The following KATNAL2 variants were observed in gnomAD, a reference collection of about 807,000 sequenced individuals.
KATNAL2 encodes katanin catalytic subunit A1 like 2.
KATNAL2 carries 52 observed loss-of-function variants against 76.3 expected under a neutral mutation model. The observed-to-expected ratio is 0.68, with a 90% CI of 0.55 to 0.86. KATNAL2 has a LOEUF of 0.86. Among genes scored for constraint, KATNAL2 ranks in the 40% least tolerant of loss-of-function variants. The pLI is 0.00. For missense variants in KATNAL2, 660 were observed against 668.9 expected, an observed-to-expected ratio of 0.99 and a Z score of 0.15; for synonymous variants, 243 against 244.2, an observed-to-expected ratio of 1.00 and a Z score of 0.05.
chr18:47,075,021 T>C (rs2062147248), intron 13 of KATNAL2, among the ~76,000 whole-genome samples: 1 of 152,222 alleles, frequency 6.6e-6, no homozygotes, highest in Non-Finnish European at 1.5e-5. Flanking sequence ...CTCTCATATT[T>C]ATGATTAGTA....
chr18:47,025,109 C>A, intron 3 of KATNAL2, among the ~76,000 whole-genome samples: 1 of 96,054 alleles, frequency 1.0e-5, no homozygotes, highest in Non-Finnish European at 2.1e-5. Context: ...CCCCCCCCAC[C>A]CCGCCCCCAA....
intron 3 of KATNAL2, among the ~76,000 whole-genome samples, chr18:46,961,952 T>C (rs7244778): frequency 0.52 from 79,371 of 152,030 alleles, 20,969 homozygotes; most frequent in Middle Eastern, 0.57. Flanking sequence ...CACACTTGAA[T>C]TTCAGGGAGT....
Position 46,939,624 on chromosome 18 carries a change from A to G in KATNAL2, c.-509-6433A>G, listed in dbSNP as rs554690393. On this transcript the variant is annotated intron_variant, in intron 1 of 17. Coordinates refer to ENST00000683218, the MANE Select transcript of KATNAL2 (RefSeq NM_001387690.1). ...ATATCTGAGATCTTGCATGCTAGCC[A>G]CAGTTGATTTGATTTGAAAGCAACA... is the stretch of plus-strand genomic sequence containing the variant. 3.3e-5 allele frequency among the ~76,000 whole-genome samples: 5 copies of G among 152,306 alleles called. No homozygotes were observed. In the East Asian group the frequency reaches 9.7e-4, roughly 29 times the overall value.
At chr18:47,080,159 T>A (rs1156500693) in intron 15 of KATNAL2, among the ~76,000 whole-genome samples, 1 of 152,192 alleles carries the variant, frequency 6.6e-6, no homozygotes, top group Non-Finnish European at 1.5e-5. Context: ...AAAGCAGGAT[T>A]TTTTTCTCTT....
At chr18:47,047,680 A>T (rs1434429450) in intron 4 of KATNAL2, among the ~76,000 whole-genome samples, 2 of 152,170 alleles carry the variant, frequency 1.3e-5, no homozygotes, top group Non-Finnish European at 1.5e-5. Context: ...AATTTCAGCC[A>T]GGAAGAAAAC....
chr18:47,087,968 T>A (rs1353333323), intron 15 of KATNAL2, among the ~76,000 whole-genome samples: 3 of 152,186 alleles, frequency 2.0e-5, no homozygotes, highest in Admixed American at 6.5e-5. Context: ...TTCTTGAGCG[T>A]TTTTAATCTG....
intron 3 of KATNAL2, chr18:47,033,532 A>T (rs2060593023): frequency 6.2e-7 from 1 of 1,614,064 alleles, no homozygotes; most frequent in Non-Finnish European, 8.5e-7. Context: ...TGTCTCTCTA[A>T]CGAGTGCGTG....
At chr18:47,058,805 G>A (rs2061543534) in intron 7 of KATNAL2, among the ~76,000 whole-genome samples, 2 of 152,128 alleles carry the variant, frequency 1.3e-5, no homozygotes, top group South Asian at 2.1e-4. Flanking sequence ...GGGTCTCAAG[G>A]TCTCCTGTTG....
At chr18:46,922,476 A>T (rs993261895) in intron 1 of KATNAL2, among the ~76,000 whole-genome samples, 4 of 151,956 alleles carry the variant, frequency 2.6e-5, no homozygotes, top group African/African-American at 9.7e-5. Flanking sequence ...AGCCTTTTAA[A>T]AAAAAAAACC....
chr18:47,032,663 GAAAA>G (rs60364237), intron 3 of KATNAL2: 2 of 330,948 alleles, frequency 6.0e-6, no homozygotes, highest in Non-Finnish European at 1.1e-5. Flanking sequence ...ACTTGATTTC[GAAAA>G]AAAAAAGAAA....
intron 1 of KATNAL2, among the ~76,000 whole-genome samples, chr18:46,923,442 T>C (rs936092507): frequency 5.9e-5 from 9 of 152,262 alleles, no homozygotes; most frequent in African/African-American, 2.2e-4. Context: ...GGTGTATATG[T>C]GCCACATTTT....
At chr18:47,063,572 C>G (rs2061700576) in intron 10 of KATNAL2, among the ~76,000 whole-genome samples, 1 of 152,106 alleles carries the variant, frequency 6.6e-6, no homozygotes, top group Admixed American at 6.6e-5. Context: ...ACCCCACCAT[C>G]TCATGATAGA....
At chr18:46,950,266 ATATT>A (rs1386882485) in intron 3 of KATNAL2, among the ~76,000 whole-genome samples, 2 of 152,178 alleles carry the variant, frequency 1.3e-5, no homozygotes, top group Non-Finnish European at 2.9e-5. Flanking sequence ...GCTAAGAGCA[ATATT>A]TAGGTATGCT....
At chr18:46,958,096 TCTGA>T (rs1296111234) in intron 3 of KATNAL2, among the ~76,000 whole-genome samples, 3 of 152,134 alleles carry the variant, frequency 2.0e-5, no homozygotes, top group Non-Finnish European at 4.4e-5. Context: ...ATTCCTACTT[TCTGA>T]CTGTCTTTAA....
intron 3 of KATNAL2, among the ~76,000 whole-genome samples, chr18:47,044,630 G>A (rs988333261): frequency 6.6e-6 from 1 of 151,798 alleles, no homozygotes; most frequent in Non-Finnish European, 1.5e-5. Flanking sequence ...GTGTGGTAGC[G>A]GGCTTCTGTA....
intron 1 of KATNAL2, among the ~76,000 whole-genome samples, chr18:46,928,218 A>G (rs1425636751): frequency 1.3e-5 from 2 of 151,856 alleles, no homozygotes; most frequent in East Asian, 3.9e-4. Flanking sequence ...TTGTGGTTTT[A>G]TCTACCTTTG....
Position 47,099,173 on chromosome 18 carries a change from T to C in KATNAL2, c.1212-70T>C. 3 of 1,488,434 alleles carry C rather than the reference T, an allele frequency of 2.0e-6. No homozygotes were observed. The South Asian group carries it at 3.9e-5, about 20-fold the overall frequency. The allele number at this position is 1,488,434 out of a possible 1,614,324, so 92.2% of individuals were successfully genotyped here. A position where few individuals can be genotyped will look rare whatever the true frequency, so the allele number is the denominator to read the frequency against. On this transcript the variant is annotated intron_variant, in intron 15 of 17. Transcript: ENST00000683218. The stretch of plus-strand genomic sequence containing the variant: ...TGCTTCCTGCAATGCTAAATTGTTC[T>C]TAAAGTACAGTTGTTGTTCAGGAAG...
At chr18:47,067,873 T>C (rs2061862385) in intron 11 of KATNAL2, among the ~76,000 whole-genome samples, 1 of 152,150 alleles carries the variant, frequency 6.6e-6, no homozygotes, top group Non-Finnish European at 1.5e-5. Flanking sequence ...CTGAGCTCAA[T>C]CACAGGTCTG....
chr18:47,094,031 T>C (rs981268173), intron 15 of KATNAL2, among the ~76,000 whole-genome samples: 3 of 152,342 alleles, frequency 2.0e-5, no homozygotes, highest in Non-Finnish European at 4.4e-5. Flanking sequence ...CAGTGTCGGA[T>C]GGTAGAGCCC....
Sources: allele counts gnomAD v4.1 joint callset (sites outside exome capture counted in the v4.1 genomes callset), GRCh38; gene constraint gnomAD v4.1.1; transcripts MANE v1.5; gene names NCBI Gene and HGNC (gene_info 2026-07-23, HGNC 2026-07-21).